The following OXR1 variants were observed in gnomAD, a reference collection of about 807,000 sequenced individuals.
OXR1 encodes oxidation resistance 1.
OXR1 carries 41 observed loss-of-function variants against 104.6 expected under a neutral mutation model. That is an observed-to-expected ratio of 0.39 (90% CI 0.31 to 0.51). OXR1 has a LOEUF of 0.51. OXR1 is among the 20% of genes least tolerant of loss of function. The pLI is 0.77. For synonymous variants in OXR1, 348 were observed against 348.4 expected (o/e 1.00, Z 0.01); for missense variants, 955 against 1,031.9 (o/e 0.93, Z 1.02).
chr8:106,343,632 C>T (rs1013133471), intron 1 of OXR1, among the ~76,000 whole-genome samples: 33 of 152,190 alleles, frequency 2.2e-4, no homozygotes, highest in African/African-American at 8.0e-4. Context: ...AAGGAATCAC[C>T]ATTGCTAGTA....
intron 2 of OXR1, among the ~76,000 whole-genome samples, chr8:106,433,124 T>G (rs111622346): frequency 8.1e-4 from 124 of 152,282 alleles, no homozygotes; most frequent in African/African-American, 2.8e-3. Flanking sequence ...GTTTCCCCAT[T>G]TGGGGATCAG....
chr8:106,725,262 G>T (rs920980530), intron 11 of OXR1, among the ~76,000 whole-genome samples: 1 of 152,152 alleles, frequency 6.6e-6, no homozygotes, highest in East Asian at 1.9e-4. Context: ...GATGGGAGTG[G>T]GGGTTTGGTT....
intron 2 of OXR1, among the ~76,000 whole-genome samples, chr8:106,497,518 A>G (rs1563562101): frequency 6.6e-6 from 1 of 152,206 alleles, no homozygotes; most frequent in Non-Finnish European, 1.5e-5. Flanking sequence ...TAGTCATAGT[A>G]AAAATTGAAA....
intron 3 of OXR1, among the ~76,000 whole-genome samples, chr8:106,581,683 A>G (rs1818232674): frequency 6.6e-6 from 1 of 152,144 alleles, no homozygotes; most frequent in Non-Finnish European, 1.5e-5. Context: ...ACTTGAGACA[A>G]CCATATTGAG....
At chr8:106,515,081 G>A (rs1426664887) in intron 2 of OXR1, among the ~76,000 whole-genome samples, 1 of 152,054 alleles carries the variant, frequency 6.6e-6, no homozygotes, top group African/African-American at 2.4e-5. Context: ...AATACTGTTA[G>A]TGCAGTCTAA....
chr8:106,694,533 A>G (rs185335481), intron 7 of OXR1, among the ~76,000 whole-genome samples: 1 of 131,286 alleles, frequency 7.6e-6, no homozygotes, highest in African/African-American at 2.9e-5. Flanking sequence ...AAATATGTTT[A>G]TATATATTTG....
intron 7 of OXR1, among the ~76,000 whole-genome samples, chr8:106,696,199 G>T (rs527688701): frequency 3.3e-5 from 5 of 152,140 alleles, no homozygotes; most frequent in African/African-American, 1.2e-4. Flanking sequence ...TTTTTAGAGT[G>T]TCATATAGTT....
Position 106,554,811 on chromosome 8 carries a change from T to G in OXR1, c.220+35672T>G, listed in dbSNP as rs563720138. ...ATTAGAATCAGCAGGGAAGATTTTTTAATATCTTAATGCTCATTCTTAACC... is the reference window on the plus strand; with the variant it reads ...ATTAGAATCAGCAGGGAAGATTTTTGAATATCTTAATGCTCATTCTTAACC... On this transcript the variant is annotated intron_variant, in intron 3 of 16. Coordinates refer to ENST00000517566, the MANE Select transcript of OXR1 (RefSeq NM_001198533.2). Among the ~76,000 whole-genome samples the G allele has an allele frequency of 9.2e-5, 14 of 152,306 alleles. No individual in the cohort carries two copies. In the South Asian group the frequency reaches 2.7e-3, roughly 29 times the overall value.
chr8:106,570,240 T>G (rs1168448264), intron 3 of OXR1, among the ~76,000 whole-genome samples: 2 of 152,204 alleles, frequency 1.3e-5, no homozygotes, highest in East Asian at 3.8e-4. Context: ...TTTCTTCCCC[T>G]TTGAAGATAT....
At chr8:106,287,091 G>A (rs1250711727) in intron 1 of OXR1, among the ~76,000 whole-genome samples, 1 of 151,966 alleles carries the variant, frequency 6.6e-6, no homozygotes, top group Non-Finnish European at 1.5e-5. Flanking sequence ...TACCCAATAC[G>A]GTAATAAAAA....
At chr8:106,413,819 G>A (rs896632710) in intron 2 of OXR1, among the ~76,000 whole-genome samples, 6 of 151,854 alleles carry the variant, frequency 4.0e-5, no homozygotes, top group African/African-American at 1.5e-4. Context: ...CACCTCCTGG[G>A]TTGGAGCAAT....
Position 106,281,385 on chromosome 8 carries a change from A to G in OXR1, c.-139+11018A>G, listed in dbSNP as rs1156852762. ...AATAGAATTTTACTTGGCAATAGAA[A>G]GGAATAGAGGGAATTTTATAGACCT... On this transcript the variant is annotated intron_variant, in intron 1 of 16. Transcript: ENST00000517566. 2.0e-5 allele frequency among the ~76,000 whole-genome samples: 3 copies of G among 152,226 alleles called. No homozygotes were observed. The East Asian group carries it at 5.8e-4, about 29-fold the overall frequency.
At chr8:106,714,711 GC>G (rs1431543468) in intron 11 of OXR1, among the ~76,000 whole-genome samples, 7 of 152,094 alleles carry the variant, frequency 4.6e-5, no homozygotes, top group Admixed American at 3.9e-4. Context: ...TCTTCTTGAT[GC>G]ATTAGAAAAT....
intron 11 of OXR1, among the ~76,000 whole-genome samples, chr8:106,735,360 G>A (rs1834273819): frequency 6.6e-6 from 1 of 152,016 alleles, no homozygotes; most frequent in African/African-American, 2.4e-5. Flanking sequence ...TGACATGAAA[G>A]AAACTATGAC....
intron 2 of OXR1, among the ~76,000 whole-genome samples, chr8:106,371,141 C>A (rs907360973): frequency 2.0e-5 from 3 of 151,646 alleles, no homozygotes; most frequent in Non-Finnish European, 2.9e-5. Flanking sequence ...AGCATGTATG[C>A]GTCCAGGAAT....
intron 2 of OXR1, among the ~76,000 whole-genome samples, chr8:106,499,582 A>G (rs1053345187): frequency 2.2e-4 from 34 of 152,184 alleles, no homozygotes; most frequent in Non-Finnish European, 4.0e-4. Flanking sequence ...AAAACACACA[A>G]CAGACCCACC....
At chr8:106,749,362 G>A (rs1037945869) in intron 16 of OXR1, among the ~76,000 whole-genome samples, 5 of 150,508 alleles carry the variant, frequency 3.3e-5, no homozygotes, top group Non-Finnish European at 7.4e-5. Flanking sequence ...AAAAAAAATA[G>A]GTCAGTTCCT....
intron 1 of OXR1, among the ~76,000 whole-genome samples, chr8:106,340,552 T>C (rs1476943143): frequency 6.6e-6 from 1 of 152,206 alleles, no homozygotes; most frequent in Non-Finnish European, 1.5e-5. Context: ...ACATACTTGC[T>C]GTATTTTTCT....
At chr8:106,663,228 C>T (rs1825946503) in intron 3 of OXR1, among the ~76,000 whole-genome samples, 1 of 152,054 alleles carries the variant, frequency 6.6e-6, no homozygotes, top group South Asian at 2.1e-4. Context: ...TCCTATTTTC[C>T]TTTTGAAAAA....
Sources: allele counts gnomAD v4.1 joint callset (sites outside exome capture counted in the v4.1 genomes callset), GRCh38; gene constraint gnomAD v4.1.1; transcripts MANE v1.5; gene names NCBI Gene and HGNC (gene_info 2026-07-23, HGNC 2026-07-21).